The following GRID2 variants were observed in gnomAD, a reference collection of about 807,000 sequenced individuals.
GRID2 encodes the protein glutamate ionotropic receptor delta type subunit 2.
Under a neutral mutation model 114.8 loss-of-function variants are expected in GRID2, and 33 were observed. That is an observed-to-expected ratio of 0.29 (90% CI 0.22 to 0.38). GRID2 has a LOEUF of 0.38. Among genes scored for constraint, GRID2 ranks in the 10% least tolerant of loss-of-function variants. The pLI is 1.00. For synonymous variants in GRID2, 505 were observed against 449.9 expected, an observed-to-expected ratio of 1.12 and a Z score of -1.55; for missense variants, 1,184 against 1,257.7, an observed-to-expected ratio of 0.94 and a Z score of 0.89.
At chr4:93,652,715 A>G (rs559092745) in intron 14 of GRID2, among the ~76,000 whole-genome samples, 45 of 147,530 alleles carry the variant, frequency 3.1e-4, no homozygotes, top group Admixed American at 7.1e-4. Context: ...CAGCCAGTCC[A>G]TGGTACTTGG....
intron 1 of GRID2, among the ~76,000 whole-genome samples, chr4:92,512,657 CA>C (rs1489945889): frequency 6.6e-6 from 1 of 151,718 alleles, no homozygotes. Flanking sequence ...ATTGTCTATT[CA>C]AAGTTCTGTT....
intron 2 of GRID2, among the ~76,000 whole-genome samples, chr4:92,687,152 T>A (rs1021224802): frequency 6.6e-6 from 1 of 151,788 alleles, no homozygotes. Context: ...CAAACATTCA[T>A]TGATTTTTCA....
chr4:93,414,494 A>C (rs1279934968), intron 9 of GRID2, among the ~76,000 whole-genome samples: 1 of 152,042 alleles, frequency 6.6e-6, no homozygotes, highest in South Asian at 2.1e-4. Flanking sequence ...TAGCCACGCT[A>C]GTGTCTCTTC....
intron 2 of GRID2, among the ~76,000 whole-genome samples, chr4:92,810,204 A>G (rs576286375): frequency 2.0e-5 from 3 of 152,040 alleles, no homozygotes; most frequent in African/African-American, 7.2e-5. Context: ...TCATTCAGTT[A>G]CAGTTTCTAA....
rs551070538 is a variant in GRID2, at chr4:93,608,113, CACA to C, written c.2194-18155_2194-18153del. ...ACACATATATGTATATATACACACACACATATATGTGTATATATATACGTCTAT... is the reference window on the plus strand; with the variant it reads ...ACACATATATGTATATATACACACACTATATGTGTATATATATACGTCTAT... On this transcript the variant is annotated intron_variant, in intron 13 of 15. Transcript: ENST00000282020. 5.7e-3 allele frequency among the ~76,000 whole-genome samples: 845 copies of C among 148,936 alleles called. 12 individuals carry two copies. The highest frequency in any genetic ancestry group is 0.019 in the African/African-American group (777 of 40,856).
chr4:93,512,632 A>C (rs1277684320), intron 12 of GRID2, among the ~76,000 whole-genome samples: 1 of 152,180 alleles, frequency 6.6e-6, no homozygotes, highest in East Asian at 1.9e-4. Flanking sequence ...TACTAGAGGG[A>C]ACATGCCTTT....
intron 13 of GRID2, among the ~76,000 whole-genome samples, chr4:93,551,261 C>T (rs1733720891): frequency 6.6e-6 from 1 of 151,986 alleles, no homozygotes; most frequent in African/African-American, 2.4e-5. Context: ...AAAAATAAAG[C>T]ATAGAAGGAG....
At chr4:93,421,565 T>C (rs1269174394) in intron 9 of GRID2, among the ~76,000 whole-genome samples, 1 of 152,200 alleles carries the variant, frequency 6.6e-6, no homozygotes, top group Non-Finnish European at 1.5e-5. Flanking sequence ...TTAGTACTGA[T>C]TTTCTGAATA....
At chr4:92,574,758 T>G (rs574043524) in intron 1 of GRID2, among the ~76,000 whole-genome samples, 1 of 152,270 alleles carries the variant, frequency 6.6e-6, no homozygotes, top group African/African-American at 2.4e-5. Context: ...TTAACACTTT[T>G]TCTTTCATTT....
At chr4:92,673,180 T>A (rs1228238538) in intron 2 of GRID2, among the ~76,000 whole-genome samples, 1 of 151,836 alleles carries the variant, frequency 6.6e-6, no homozygotes, top group Admixed American at 6.6e-5. Flanking sequence ...TATCTTTATT[T>A]TATATATATA....
chr4:92,854,636 G>A (rs144625376), intron 2 of GRID2, among the ~76,000 whole-genome samples: 3 of 150,504 alleles, frequency 2.0e-5, no homozygotes, highest in Non-Finnish European at 4.5e-5. Context: ...TGATATGAAA[G>A]TCAGGAAAAG....
At chr4:93,732,616 G>C (rs751222139) in intron 14 of GRID2, among the ~76,000 whole-genome samples, 2 of 151,894 alleles carry the variant, frequency 1.3e-5, no homozygotes, top group South Asian at 2.1e-4. Context: ...TCTTTGTGTG[G>C]TTAAAATGGC....
intron 13 of GRID2, among the ~76,000 whole-genome samples, chr4:93,591,828 T>G (rs2149615045): frequency 6.6e-6 from 1 of 152,364 alleles, no homozygotes; most frequent in Middle Eastern, 3.4e-3. Flanking sequence ...TTCTAGATTT[T>G]TTAGTTTATT....
intron 1 of GRID2, among the ~76,000 whole-genome samples, chr4:92,493,223 T>A (rs1560668667): frequency 6.6e-6 from 1 of 151,760 alleles, no homozygotes; most frequent in Non-Finnish European, 1.5e-5. Context: ...TCCTAGTCAC[T>A]CTCCTAAAAG....
intron 2 of GRID2, among the ~76,000 whole-genome samples, chr4:92,650,005 C>G: frequency 6.6e-6 from 1 of 151,984 alleles, no homozygotes. Context: ...GAATGCATAT[C>G]ACTTTCACAC....
intron 1 of GRID2, among the ~76,000 whole-genome samples, chr4:92,333,438 G>A (rs1406128549): frequency 1.3e-5 from 2 of 151,902 alleles, no homozygotes; most frequent in Non-Finnish European, 2.9e-5. Flanking sequence ...ATGCCTTTAG[G>A]GTCATTCTCC....
intron 2 of GRID2, among the ~76,000 whole-genome samples, chr4:92,789,863 G>T: frequency 6.6e-6 from 1 of 151,826 alleles, no homozygotes; most frequent in African/African-American, 2.4e-5. Context: ...AAGTCAATAT[G>T]AGGGAATGCC....
At chr4:93,153,631 A>G (rs1736918815) in intron 4 of GRID2, among the ~76,000 whole-genome samples, 1 of 152,022 alleles carries the variant, frequency 6.6e-6, no homozygotes, top group African/African-American at 2.4e-5. Flanking sequence ...TTCTCCCTTC[A>G]ACAGATCCAG....
intron 2 of GRID2, among the ~76,000 whole-genome samples, chr4:93,019,773 A>C (rs1172315845): frequency 6.6e-6 from 1 of 152,134 alleles, no homozygotes; most frequent in Non-Finnish European, 1.5e-5. Flanking sequence ...TTTTTGTATA[A>C]AATTCAAAAC....
Sources: allele counts gnomAD v4.1 joint callset (sites outside exome capture counted in the v4.1 genomes callset), GRCh38; gene constraint gnomAD v4.1.1; transcripts MANE v1.5; gene names NCBI Gene and HGNC (gene_info 2026-07-23, HGNC 2026-07-21).